The following TRIO variants were observed in gnomAD, a reference collection of about 807,000 sequenced individuals.
The protein encoded by TRIO is trio Rho guanine nucleotide exchange factor, also known as triple functional domain protein.
A neutral mutation model predicts 351.9 loss-of-function variants in TRIO; 58 were observed. That is an observed-to-expected ratio of 0.16 (90% CI 0.13 to 0.21). TRIO has a LOEUF of 0.21. TRIO is among the 10% of genes least tolerant of loss of function. TRIO has a pLI of 1.00. For missense variants in TRIO, 3,201 were observed against 4,027.8 expected (o/e 0.79, Z 5.56); for synonymous variants, 1,758 against 1,595.7 (o/e 1.10, Z -2.42).
chr5:14,266,095 C>G (rs556679230), intron 1 of TRIO, among the ~76,000 whole-genome samples: 10 of 149,036 alleles, frequency 6.7e-5, no homozygotes, highest in South Asian at 6.3e-4. Flanking sequence ...CAGAGTCTCG[C>G]TCTGCCGTCC....
chr5:14,215,860 T>C (rs1049775041), intron 1 of TRIO, among the ~76,000 whole-genome samples: 5 of 152,146 alleles, frequency 3.3e-5, no homozygotes, highest in African/African-American at 1.2e-4. Flanking sequence ...GTTTTGAGAG[T>C]CGGTGACTTA....
At position 14,504,554 on chromosome 5, in the gene TRIO, C is replaced by T. The variant is rs1193947864; in HGVS notation, c.8573C>T (p.Thr2858Ile). ...CCCCTGCTTGTCGGCCTCCTCGACA[C>T]CTTTGAGACCCCCACCAGCTACATC... Reference protein sequence around the residue: ...QHPLLVGLLDTFETPTSYILV... With the variant: ...QHPLLVGLLDIFETPTSYILV... Residue 2858 changes from threonine (T) to isoleucine (I), a missense_variant, in exon 55 of 57, where the codon ACC becomes ATC. Thr to Ile is a moderately conservative substitution (Grantham distance 89, BLOSUM62 -1). Around this residue, in one of 19 missense-constraint regions of TRIO, gnomAD observed 1,089 missense variants for 954.9 expected, o/e 1.14. Transcript: ENST00000344204. 6.2e-6 allele frequency: 10 copies of T among 1,614,014 alleles called. No homozygotes were observed. The highest frequency in any genetic ancestry group is 7.6e-6 in the Non-Finnish European group (9 of 1,180,040).
In TRIO at chr5:14,502,563, G is replaced by A; in HGVS notation, c.8333-16G>A. On this transcript the variant is annotated splice_polypyrimidine_tract_variant and intron_variant, in intron 53 of 56. Transcript: ENST00000344204. ...CCACGGGAAACAAGCTCAGGCAGGTGCTGTTCTTCTTGCAGGTCCAGGGAT... is the reference window on the plus strand; with the variant it reads ...CCACGGGAAACAAGCTCAGGCAGGTACTGTTCTTCTTGCAGGTCCAGGGAT... The A allele has an allele frequency of 6.2e-7, 1 of 1,613,938 alleles. No individual in the cohort carries two copies. Among genetic ancestry groups the A allele is most frequent in the Non-Finnish European group, 8.5e-7 (1 of 1,179,856 alleles).
intron 1 of TRIO, among the ~76,000 whole-genome samples, chr5:14,185,139 A>C (rs1581301241): frequency 7.1e-6 from 1 of 141,216 alleles, no homozygotes. Flanking sequence ...TTCCCCCATA[A>C]AATTCGCCCC....
At chr5:14,375,799 G>A (rs30765) in intron 19 of TRIO, among the ~76,000 whole-genome samples, 42,591 of 152,150 alleles carry the variant, frequency 0.28, 7,509 homozygotes, top group East Asian at 0.55. Flanking sequence ...TAGAAAAAAT[G>A]CGTTATCTCA....
chr5:14,396,453 T>C (rs1308412250), intron 28 of TRIO, among the ~76,000 whole-genome samples: 10 of 27,546 alleles, frequency 3.6e-4, no homozygotes, highest in African/African-American at 2.1e-3. Context: ...CTTTTTTTTT[T>C]TTTTTTTTTT....
chr5:14,220,429 C>T lies in TRIO; in HGVS notation c.158-50396C>T, dbSNP rs1792542244. The stretch of plus-strand genomic sequence containing the variant: ...GCCAGTTAATAAATCCAACTATGGC[C>T]TCTAAGTGTTCAAGTGAAAGTAACG... On this transcript the variant is annotated intron_variant, in intron 1 of 56. Transcript: ENST00000344204. 3.3e-5 allele frequency among the ~76,000 whole-genome samples: 5 copies of T among 152,184 alleles called. No individual in the cohort carries two copies. The South Asian group carries it at 6.2e-4, about 19-fold the overall frequency.
intron 1 of TRIO, among the ~76,000 whole-genome samples, chr5:14,227,442 T>G (rs1228534823): frequency 1.3e-5 from 2 of 152,194 alleles, no homozygotes; most frequent in Non-Finnish European, 2.9e-5. Context: ...GACCACCTCA[T>G]TTGTGGTTGT....
rs1407653055 is a variant in TRIO, at chr5:14,286,398, C to A, written c.348-473C>A. The stretch of plus-strand genomic sequence containing the variant: ...TGCTAGTGGGGGGTCATTTTCAGCA[C>A]CTGGGGTGCTGGGAGTCCTGGGGTA... On this transcript the variant is annotated intron_variant, in intron 3 of 56. Transcript: ENST00000344204. This position sits in a 1 kb window ranked among gnomAD's most constrained non-coding sequence, Gnocchi z 4.4. Among the ~76,000 whole-genome samples, 1 of 152,074 alleles carries A rather than the reference C, an allele frequency of 6.6e-6. No homozygotes were observed. The highest frequency in any genetic ancestry group is 1.5e-5 in the Non-Finnish European group (1 of 68,022).
Position 14,286,366 on chromosome 5 carries a change from C to T in TRIO, c.348-505C>T, listed in dbSNP as rs1175173221. 6.6e-6 allele frequency among the ~76,000 whole-genome samples: 1 copy of T among 152,074 alleles called. No individual in the cohort carries two copies. Among genetic ancestry groups the T allele is most frequent in the Admixed American group, 6.6e-5 (1 of 15,266 alleles). On this transcript the variant is annotated intron_variant, in intron 3 of 56. Coordinates refer to ENST00000344204, the MANE Select transcript of TRIO (RefSeq NM_007118.4). The surrounding 1 kb of genome is among the most constrained non-coding windows in gnomAD (Gnocchi z 4.4). ...GAACATAAGAAAGTTCTCATCATTG[C>T]CAGCCATGCTAGTGGGGGGTCATTT...
chr5:14,464,926 G>T lies in TRIO; in HGVS notation c.5668-619G>T, dbSNP rs1162691785. On this transcript the variant is annotated intron_variant, in intron 36 of 56. Transcript: ENST00000344204. Reference sequence around the variant, plus strand: ...TACGCCCTCGATTCTAGCCATAAGTGGCATCTGATAGCTTGTGAGGCCTCA... The same window carrying T: ...TACGCCCTCGATTCTAGCCATAAGTTGCATCTGATAGCTTGTGAGGCCTCA... 3.3e-5 allele frequency among the ~76,000 whole-genome samples: 5 copies of T among 152,094 alleles called. No individual in the cohort carries two copies. The East Asian group carries it at 9.7e-4, about 29-fold the overall frequency.
In TRIO at chr5:14,294,402, A is replaced by G. The variant is rs186387816; in HGVS notation, c.1176+1268A>G. Reference sequence around the variant, plus strand: ...AGAGAATTTCTGGTTCGAATCGTCAAACCTGGGCATAGATAAAAATTTGTT... The same window carrying G: ...AGAGAATTTCTGGTTCGAATCGTCAGACCTGGGCATAGATAAAAATTTGTT... On this transcript the variant is annotated intron_variant, in intron 6 of 56. Transcript: ENST00000344204. Among the ~76,000 whole-genome samples, 440 of 152,344 alleles carry G rather than the reference A, an allele frequency of 2.9e-3. 3 individuals carry two copies. The highest frequency in any genetic ancestry group is 9.8e-3 in the African/African-American group (408 of 41,580).
At chr5:14,283,204 G>T (rs374009668) in intron 3 of TRIO, among the ~76,000 whole-genome samples, 2 of 152,258 alleles carry the variant, frequency 1.3e-5, no homozygotes, top group East Asian at 1.9e-4. Context: ...GTAGTAGAGT[G>T]GTATGAACAC....
At chr5:14,336,805 C>A in intron 11 of TRIO, 78 bp downstream of exon 11, 1 of 1,497,728 alleles carries the variant, frequency 6.7e-7, no homozygotes, top group South Asian at 1.2e-5. Context: ...TAAATTTAGT[C>A]ATAATGTGAG....
chr5:14,407,125 C>T (rs1410537971), intron 33 of TRIO, among the ~76,000 whole-genome samples: 2 of 152,102 alleles, frequency 1.3e-5, no homozygotes, highest in Non-Finnish European at 2.9e-5. Context: ...GGGGATCACA[C>T]GGCATCCCTG....
intron 1 of TRIO, among the ~76,000 whole-genome samples, chr5:14,239,232 T>C (rs1793981647): frequency 6.6e-6 from 1 of 152,198 alleles, no homozygotes. Context: ...AGTCTAAAAA[T>C]TATTTCTATC....
chr5:14,220,046 C>T (rs1172830926), intron 1 of TRIO, among the ~76,000 whole-genome samples: 12 of 95,376 alleles, frequency 1.3e-4, no homozygotes, highest in South Asian at 3.3e-4. Flanking sequence ...TCCTCTTCTT[C>T]TTCTTTTTTT....
At chr5:14,385,847 A>G (rs1746494702) in intron 21 of TRIO, among the ~76,000 whole-genome samples, 1 of 152,218 alleles carries the variant, frequency 6.6e-6, no homozygotes, top group South Asian at 2.1e-4. Context: ...GGCAAGCTGC[A>G]TTATCTTTTT....
chr5:14,289,066 A>G (rs1419233334), intron 4 of TRIO, among the ~76,000 whole-genome samples: 1 of 151,904 alleles, frequency 6.6e-6, no homozygotes, highest in Non-Finnish European at 1.5e-5. Flanking sequence ...ACTTAGCAAG[A>G]GCCTGTCTCT....
Sources: gnomAD v4.1 joint callset for allele counts (sites outside exome capture counted in the v4.1 genomes callset) on GRCh38, gnomAD v4.1.1 for gene constraint, gnomAD v4.1.1 regional missense constraint, Gnocchi (gnomAD v3.1) non-coding constraint, MANE v1.5 for transcripts, NCBI Gene and HGNC (gene_info 2026-07-23, HGNC 2026-07-21) for gene names.